Variants in KIF1A observed in about 807,000 individuals in gnomAD.
KIF1A encodes the protein kinesin family member 1A, also known as kinesin-like protein KIF1A.
A neutral mutation model predicts 227.3 loss-of-function variants in KIF1A; 46 were observed. The observed-to-expected ratio is 0.20, with a 90% CI of 0.16 to 0.26. The LOEUF (loss-of-function observed/expected upper bound fraction) is 0.26. Among genes scored for constraint, KIF1A ranks in the 10% least tolerant of loss-of-function variants. The pLI is 1.00. For missense variants in KIF1A, 1,683 were observed against 2,485.9 expected, an observed-to-expected ratio of 0.68 and a Z score of 6.87; for synonymous variants, 1,022 against 1,012.8, an observed-to-expected ratio of 1.01 and a Z score of -0.17.
At chr2:240,746,755 C>G (rs1034129041) in intron 29 of KIF1A, among the ~76,000 whole-genome samples, 5 of 152,232 alleles carry the variant, frequency 3.3e-5, no homozygotes, top group African/African-American at 1.2e-4. Flanking sequence ...GAAGAGGAGA[C>G]TGAGTGGTCC....
Position 240,775,949 on chromosome 2 carries a change from G to C in KIF1A, c.883-23C>G, listed in dbSNP as rs1054888041. 3 of 1,544,272 alleles carry C rather than the reference G, an allele frequency of 1.9e-6. No individual in the cohort carries two copies. The highest frequency in any genetic ancestry group is 2.2e-5 in the East Asian group (1 of 44,520). On this transcript the variant is annotated intron_variant, in intron 10 of 48. Coordinates refer to ENST00000498729, the MANE Select transcript of KIF1A (RefSeq NM_001244008.2). The surrounding 1 kb of genome is among the most constrained non-coding windows in gnomAD (Gnocchi z 5.5). ...GTTCTGTGGGGGAGGAACATTCAAG[G>C]TCAAGCCCGAGCCCACTGCAGAGGA... is the stretch of plus-strand genomic sequence containing the variant.
chr2:240,780,690 A>C (rs1171191998), intron 10 of KIF1A, among the ~76,000 whole-genome samples: 1 of 151,266 alleles, frequency 6.6e-6, no homozygotes, highest in Non-Finnish European at 1.5e-5. Context: ...TGAGGCATTT[A>C]TTCCTCTGGT....
At chr2:240,816,721 T>C (rs1430254744) in intron 1 of KIF1A, among the ~76,000 whole-genome samples, 1 of 152,200 alleles carries the variant, frequency 6.6e-6, no homozygotes, top group Non-Finnish European at 1.5e-5. Flanking sequence ...AACCCCAGCC[T>C]CTGAGTCCCA....
At chr2:240,735,829 C>G (rs2047248059) in intron 38 of KIF1A, among the ~76,000 whole-genome samples, 1 of 152,156 alleles carries the variant, frequency 6.6e-6, no homozygotes, top group Non-Finnish European at 1.5e-5. Flanking sequence ...AGACGTGCTC[C>G]CCCCTCATGG....
At chr2:240,729,243 C>A (rs1431307700) in intron 38 of KIF1A, among the ~76,000 whole-genome samples, 1 of 143,340 alleles carries the variant, frequency 7.0e-6, no homozygotes, top group African/African-American at 3.0e-5. Flanking sequence ...TGTGCTGGAC[C>A]CTCTGTCTTC....
chr2:240,755,502 A>G (rs939833936), intron 27 of KIF1A, among the ~76,000 whole-genome samples: 5 of 152,318 alleles, frequency 3.3e-5, no homozygotes, highest in South Asian at 4.1e-4. Context: ...CAGAAGGTTA[A>G]AGGAAAATCA....
In KIF1A at chr2:240,757,500, G is replaced by A; in HGVS notation, c.2677C>T (p.Pro893Ser). 6.4e-7 allele frequency: 1 copy of A among 1,550,478 alleles called. No individual in the cohort carries two copies. ...GCAGGCTCGGTGGCGTCGGAGTCGG[G>A]GCTCGAGAAGGTGGGGGAGGGGGTG... is the stretch of plus-strand genomic sequence containing the variant. ...ALTPSPTFSS[P>S]DSDATEPAEE... is the part of the protein sequence containing the mutation. The change falls in exon 27 of 49, where the codon CCC becomes TCC. Residue 893 changes from proline (P) to serine (S), a missense_variant. By Grantham distance (74) the Pro-to-Ser change is moderately conservative. Transcript: ENST00000498729. This position sits in a 1 kb window ranked among gnomAD's most constrained non-coding sequence, Gnocchi z 6.2.
intron 34 of KIF1A, 47 bp downstream of exon 34, chr2:240,742,882 G>A: frequency 6.5e-7 from 1 of 1,539,012 alleles, no homozygotes; most frequent in Non-Finnish European, 8.9e-7. Context: ...AGCACCCACA[G>A]TGAGGGGAGC....
rs2047843494 is a variant in KIF1A, at chr2:240,740,616, C to T, written c.3750-252G>A. On this transcript the variant is annotated intron_variant, in intron 35 of 48. Transcript: ENST00000498729. The surrounding 1 kb of genome is among the most constrained non-coding windows in gnomAD (Gnocchi z 6.1). ...AACAAGGAGACACGGTATGGCACAGCCTGGCCCCTCTGGGCTGGATCTTTG... is the reference window on the plus strand; with the variant it reads ...AACAAGGAGACACGGTATGGCACAGTCTGGCCCCTCTGGGCTGGATCTTTG... 6.6e-6 allele frequency among the ~76,000 whole-genome samples: 1 copy of T among 152,176 alleles called. No individual in the cohort carries two copies. The highest frequency in any genetic ancestry group is 2.1e-4 in the South Asian group (1 of 4,824).
At chr2:240,769,586 C>T (rs1241427361) in intron 16 of KIF1A, 41 bp downstream of exon 16, 2 of 1,554,882 alleles carry the variant, frequency 1.3e-6, no homozygotes, top group South Asian at 1.1e-5. Context: ...GGCTTGCTGG[C>T]TGCACCCCTC....
At position 240,720,963 on chromosome 2, in the gene KIF1A, A is replaced by T; in HGVS notation, c.4819T>A (p.Ser1607Thr). 1 of 1,602,914 alleles carries T rather than the reference A, an allele frequency of 6.2e-7. No homozygotes were observed. The highest frequency in any genetic ancestry group is 8.5e-7 in the Non-Finnish European group (1 of 1,175,276). ...PLGVATLTPS[S>T]TCPSLVEGRY... ...CCTTCAACCAGAGAGGGGCAAGTGG[A>T]GGAGGGGGTGAGAGTGGCCACCCCT... Residue 1607 changes from serine to threonine, a missense_variant, in exon 45 of 49, where the codon TCC becomes ACC. By Grantham distance (58) the Ser-to-Thr change is moderately conservative. Coordinates refer to ENST00000498729, the MANE Select transcript of KIF1A (RefSeq NM_001244008.2).
chr2:240,788,210 C>A lies in KIF1A; in HGVS notation c.204G>T (p.Ala68=), dbSNP rs141052770. 4.4e-3 allele frequency: 7,128 copies of A among 1,613,776 alleles called. 25 individuals are homozygous for A. Among genetic ancestry groups the A allele is most frequent in the Non-Finnish European group, 5.5e-3 (6,527 of 1,179,838 alleles). The part of the protein sequence containing the change: ...SHTSPEDINY[A]SQKQVYRDIG... The stretch of plus-strand genomic sequence containing the variant: ...TGTCCCGGTACACCTGCTTCTGCGA[C>A]GCGTAGTTGATGTCCTCAGGCTGGA... Residue 68 remains alanine (A), a synonymous_variant, in exon 4 of 49, where the codon GCG becomes GCT. Transcript: ENST00000498729. The surrounding 1 kb of genome is among the most constrained non-coding windows in gnomAD (Gnocchi z 6.6).
intron 1 of KIF1A, among the ~76,000 whole-genome samples, chr2:240,806,667 A>T (rs2057428978): frequency 6.6e-6 from 1 of 152,226 alleles, no homozygotes; most frequent in Non-Finnish European, 1.5e-5. Context: ...TCTAAAAACT[A>T]AAAATCATGT....
intron 12 of KIF1A, 45 bp downstream of exon 12, chr2:240,774,138 A>G (rs535705137): frequency 1.2e-5 from 16 of 1,301,972 alleles, no homozygotes; most frequent in Middle Eastern, 1.9e-4. Flanking sequence ...CCATCCCCCA[A>G]GACCAGGGAG....
Position 240,763,318 on chromosome 2 carries a change from A to T in KIF1A, c.1797T>A (p.His599Gln). Residue 599 changes from histidine (H) to glutamine (Q), a missense_variant, in exon 21 of 49, where the codon CAT (histidine) becomes CAA (glutamine). This residue lies in a region of KIF1A where 217 missense variants were observed against 427.0 expected (regional missense o/e 0.51). Coordinates refer to ENST00000498729, the MANE Select transcript of KIF1A (RefSeq NM_001244008.2). ...GCTCGGGGTGGTTGAACCGGAACAC[A>T]TGGCTCTTACCCATGATGATGCGGT... ...SGNRIIMGKS[H>Q]VFRFNHPEQA... is the part of the protein sequence containing the mutation. 1 of 1,593,196 alleles carries T rather than the reference A, an allele frequency of 6.3e-7. No homozygotes were observed. Among genetic ancestry groups the T allele is most frequent in the Non-Finnish European group, 8.5e-7 (1 of 1,170,170 alleles).
chr2:240,760,647 G>A lies in KIF1A; in HGVS notation c.2444+18C>T. 6.9e-7 allele frequency: 1 copy of A among 1,447,368 alleles called. No homozygotes were observed. Among genetic ancestry groups the A allele is most frequent in the Non-Finnish European group, 9.1e-7 (1 of 1,099,140 alleles). The allele number at this position is 1,447,368 out of a possible 1,614,324, so 89.7% of individuals were successfully genotyped here. Reference sequence around the variant, plus strand: ...GGAGGACCCTCCCACCATCCACCCAGCGGCCCTCCAGCCCCACCTGAGCTT... The same window carrying A: ...GGAGGACCCTCCCACCATCCACCCAACGGCCCTCCAGCCCCACCTGAGCTT... On this transcript the variant is annotated intron_variant, in intron 25 of 48. Transcript: ENST00000498729.
intron 29 of KIF1A, among the ~76,000 whole-genome samples, chr2:240,746,629 G>A (rs543363870): frequency 6.6e-6 from 1 of 152,338 alleles, no homozygotes; most frequent in East Asian, 1.9e-4. Flanking sequence ...TCCAGGTGAC[G>A]GCACGGCCAG....
chr2:240,815,304 AC>A (rs1173063171), intron 1 of KIF1A, among the ~76,000 whole-genome samples: 1 of 152,086 alleles, frequency 6.6e-6, no homozygotes, highest in Non-Finnish European at 1.5e-5. Context: ...ACTGAGGCCC[AC>A]CCTCAGGTGG....
At chr2:240,720,045 T>G in intron 45 of KIF1A, 119 bp from the exon 46 acceptor site, 2 of 1,011,064 alleles carry the variant, frequency 2.0e-6, no homozygotes, top group Non-Finnish European at 2.7e-6. Context: ...CTTCGCAGGG[T>G]CTCTCCAGCT....
Sources: gnomAD v4.1 joint callset for allele counts (sites outside exome capture counted in the v4.1 genomes callset) on GRCh38, gnomAD v4.1.1 for gene constraint, gnomAD v4.1.1 regional missense constraint, Gnocchi (gnomAD v3.1) non-coding constraint, MANE v1.5 for transcripts, NCBI Gene and HGNC (gene_info 2026-07-23, HGNC 2026-07-21) for gene names.